The following NRG1 variants were observed in gnomAD, a reference collection of about 807,000 sequenced individuals.
NRG1 encodes the protein pro-neuregulin-1, membrane-bound isoform.
A neutral mutation model predicts 63.8 loss-of-function variants in NRG1; 18 were observed. That is an observed-to-expected ratio of 0.28 (90% CI 0.19 to 0.42). NRG1 has a LOEUF of 0.42. Among genes scored for constraint, NRG1 ranks in the 10% least tolerant of loss-of-function variants. The pLI is 1.00. For missense variants in NRG1, 762 were observed against 814.7 expected, an observed-to-expected ratio of 0.94 and a Z score of 0.79; for synonymous variants, 302 against 301.3, an observed-to-expected ratio of 1.00 and a Z score of -0.02.
intron 1 of NRG1, among the ~76,000 whole-genome samples, chr8:32,401,515 G>A (rs908146110): frequency 6.6e-6 from 1 of 151,948 alleles, no homozygotes; most frequent in Non-Finnish European, 1.5e-5. Context: ...TTAAAAAAAG[G>A]CTTTGCATTC....
intron 1 of NRG1, among the ~76,000 whole-genome samples, chr8:31,941,635 T>A (rs767907770): frequency 2.6e-5 from 4 of 152,058 alleles, no homozygotes; most frequent in Non-Finnish European, 5.9e-5. Flanking sequence ...ATGGTATACC[T>A]AGAAACCCTA....
intron 1 of NRG1, among the ~76,000 whole-genome samples, chr8:31,679,068 A>AAG (rs1207157584): frequency 6.6e-6 from 1 of 152,042 alleles, no homozygotes; most frequent in Non-Finnish European, 1.5e-5. Flanking sequence ...GCAGTACTCT[A>AAG]TATTTCCTTG....
At chr8:32,161,850 A>G (rs1329017517) in intron 1 of NRG1, among the ~76,000 whole-genome samples, 2 of 152,190 alleles carry the variant, frequency 1.3e-5, no homozygotes, top group East Asian at 1.9e-4. Flanking sequence ...AGAAAAAAGC[A>G]TGTACATACA....
At chr8:32,158,406 C>T (rs758476924) in intron 1 of NRG1, among the ~76,000 whole-genome samples, 3 of 120,788 alleles carry the variant, frequency 2.5e-5, no homozygotes, top group Non-Finnish European at 5.3e-5. Flanking sequence ...TCCTCCCACC[C>T]CCAAAAATAG....
chr8:32,759,569 C>T lies in NRG1; in HGVS notation c.1052+133C>T. 2.7e-6 allele frequency: 3 copies of T among 1,113,506 alleles called. No individual in the cohort carries two copies. In the South Asian group the frequency reaches 5.2e-5, roughly 19 times the overall value. The allele number at this position is 1,113,506 out of a possible 1,614,324, so 69.0% of individuals were successfully genotyped here. A position where few individuals can be genotyped will look rare whatever the true frequency, so the allele number is the denominator to read the frequency against. ...GGCAGCAACAGATTTTGAAAATCAA[C>T]TGGCTTTGCCCTTAATTCCTGCATA... is the stretch of plus-strand genomic sequence containing the variant. On this transcript the variant is annotated intron_variant, in intron 10 of 11. Transcript: ENST00000356819.
intron 1 of NRG1, among the ~76,000 whole-genome samples, chr8:31,962,594 A>G (rs988029680): frequency 4.0e-4 from 61 of 152,242 alleles, no homozygotes; most frequent in African/African-American, 1.4e-3. Context: ...AGTTTTCTAT[A>G]TTTTCAAAAA....
intron 1 of NRG1, among the ~76,000 whole-genome samples, chr8:32,114,638 A>G (rs186416243): frequency 2.0e-5 from 3 of 152,306 alleles, no homozygotes; most frequent in East Asian, 3.9e-4. Flanking sequence ...GCTACTTCTT[A>G]TCTATTTCAT....
chr8:32,418,772 A>G (rs1215337145), intron 1 of NRG1, among the ~76,000 whole-genome samples: 1 of 152,162 alleles, frequency 6.6e-6, no homozygotes, highest in African/African-American at 2.4e-5. Context: ...AGTTTTTCGT[A>G]TTACTCTAAG....
At chr8:32,312,157 G>GTTT (rs35888973) in intron 1 of NRG1, among the ~76,000 whole-genome samples, 1,172 of 74,378 alleles carry the variant, frequency 0.016, 73 homozygotes, top group Non-Finnish European at 0.019. Context: ...GACCTTGTTT[G>GTTT]TTTTTTTTTT....
intron 1 of NRG1, among the ~76,000 whole-genome samples, chr8:32,358,368 G>GAAAAAAAAA (rs34976612): frequency 1.0e-5 from 1 of 99,022 alleles, no homozygotes; most frequent in Non-Finnish European, 1.9e-5. Context: ...TGCCATTTAT[G>GAAAAAAAAA]AAAAAAAAAA....
chr8:32,706,289 G>A (rs1816390689), intron 5 of NRG1, among the ~76,000 whole-genome samples: 1 of 152,162 alleles, frequency 6.6e-6, no homozygotes, highest in African/African-American at 2.4e-5. Context: ...ATCAGATGTA[G>A]GCATAGATAT....
At chr8:32,556,043 T>C (rs1835114424) in intron 1 of NRG1, among the ~76,000 whole-genome samples, 1 of 152,250 alleles carries the variant, frequency 6.6e-6, no homozygotes, top group Non-Finnish European at 1.5e-5. Flanking sequence ...TGTGGAGTTT[T>C]ACTTTCAATG....
intron 7 of NRG1, chr8:32,749,730 C>G: frequency 1.3e-6 from 1 of 748,264 alleles, no homozygotes; most frequent in Non-Finnish European, 2.2e-6. Flanking sequence ...AATGATTTCT[C>G]TGCCTTCAAT....
chr8:31,923,256 A>G (rs867078182), intron 1 of NRG1, among the ~76,000 whole-genome samples: 12 of 152,184 alleles, frequency 7.9e-5, no homozygotes, highest in African/African-American at 2.9e-4. Context: ...TGCACCTATT[A>G]AAATAATTGT....
At chr8:31,695,143 G>C (rs1328856085) in intron 1 of NRG1, among the ~76,000 whole-genome samples, 2 of 152,146 alleles carry the variant, frequency 1.3e-5, no homozygotes, top group Non-Finnish European at 2.9e-5. Flanking sequence ...AGGAGGAAGA[G>C]AGTAAAAGGA....
intron 1 of NRG1, among the ~76,000 whole-genome samples, chr8:32,337,716 T>C (rs1803498292): frequency 1.2e-5 from 1 of 83,058 alleles, no homozygotes; most frequent in Non-Finnish European, 2.7e-5. Flanking sequence ...GCCTGAGCTA[T>C]TAAGAAAAAC....
At chr8:31,841,430 G>T (rs928900586) in intron 1 of NRG1, among the ~76,000 whole-genome samples, 3 of 152,058 alleles carry the variant, frequency 2.0e-5, no homozygotes, top group Admixed American at 1.3e-4. Context: ...ACACTGAGGG[G>T]CCGTGAACAG....
At chr8:32,525,876 T>C (rs1030425063) in intron 1 of NRG1, among the ~76,000 whole-genome samples, 1 of 152,202 alleles carries the variant, frequency 6.6e-6, no homozygotes, top group African/African-American at 2.4e-5. Context: ...AGTCAGTTGT[T>C]ACAAATTCAT....
intron 1 of NRG1, among the ~76,000 whole-genome samples, chr8:31,850,403 T>C (rs1827099323): frequency 6.6e-6 from 1 of 152,194 alleles, no homozygotes; most frequent in African/African-American, 2.4e-5. Flanking sequence ...GTGGTTGCAC[T>C]CTTGGTTCTT....
Sources: gnomAD v4.1 joint callset for allele counts (sites outside exome capture counted in the v4.1 genomes callset) on GRCh38, gnomAD v4.1.1 for gene constraint, MANE v1.5 for transcripts, NCBI Gene and HGNC (gene_info 2026-07-23, HGNC 2026-07-21) for gene names.